Variants in SPIRE2 observed in about 807,000 individuals in gnomAD.
The protein encoded by SPIRE2 is protein spire homolog 2.
Under a neutral mutation model 80.7 loss-of-function variants are expected in SPIRE2, and 76 were observed. The ratio of observed to expected loss-of-function variants is 0.94; its 90% CI spans 0.78 to 1.14. The LOEUF is 1.14. Ranked by LOEUF, SPIRE2 falls within the 50% of genes most tolerant of loss-of-function variation. The pLI is 0.00. For synonymous variants in SPIRE2, 535 were observed against 432.6 expected (o/e 1.24, Z -2.94); for missense variants, 1,196 against 1,015.3 (o/e 1.18, Z -2.42).
rs1567671308 is a variant in SPIRE2 at position 89,843,676 on chromosome 16, T to TTTGG, written c.245-1644_245-1643insGGTT. On this transcript the variant is annotated intron_variant, in intron 1 of 14. Coordinates refer to ENST00000378247, the MANE Select transcript of SPIRE2 (RefSeq NM_032451.2). The stretch of plus-strand genomic sequence containing the variant: ...GCTGCCTTGCTGCCACGTTTTTTTT[T>TTTGG]TTTTGTTTGTTTTTGTTTTTTGTTT... Among the ~76,000 whole-genome samples the TTTGG allele has an allele frequency of 4.7e-4, 14 of 29,644 alleles. 4 individuals are homozygous for TTTGG. The highest frequency in any genetic ancestry group is 1.1e-3 in the African/African-American group (9 of 7,944). The allele number at this position is 29,644 out of a possible 152,430, so 19.4% of individuals were successfully genotyped here. A position where few individuals can be genotyped will look rare whatever the true frequency, so the allele number is the denominator to read the frequency against.
At position 89,855,583 on chromosome 16, in the gene SPIRE2, A is replaced by T. The variant is rs1292375996; in HGVS notation, c.892-17A>T. The T allele has an allele frequency of 6.2e-7, 1 of 1,610,264 alleles. No homozygotes were observed. The highest frequency in any genetic ancestry group is 1.7e-5 in the Admixed American group (1 of 59,860). ...GATGGTCCCTGCAGGGCCTCAGATC[A>T]GCCGTCCTCCCCGCAGGTGGATGGG... On this transcript the variant is annotated splice_polypyrimidine_tract_variant and intron_variant, in intron 5 of 14. Transcript: ENST00000378247.
intron 1 of SPIRE2, among the ~76,000 whole-genome samples, chr16:89,839,112 CG>C (rs1370907272): frequency 6.6e-6 from 1 of 150,660 alleles, no homozygotes; most frequent in Non-Finnish European, 1.5e-5. Flanking sequence ...GAGGCCAAGG[CG>C]GGTGGATCAC....
chr16:89,850,989 A>G (rs1274276817), intron 3 of SPIRE2, among the ~76,000 whole-genome samples: 1 of 151,934 alleles, frequency 6.6e-6, no homozygotes, highest in African/African-American at 2.4e-5. Flanking sequence ...GGTGCCCACC[A>G]CCATGCCTGG....
intron 2 of SPIRE2, among the ~76,000 whole-genome samples, chr16:89,848,124 G>A (rs577608780): frequency 6.6e-6 from 1 of 152,328 alleles, no homozygotes; most frequent in South Asian, 2.1e-4. Flanking sequence ...GGGAATTTGT[G>A]TGAACAGCGG....
chr16:89,838,227 G>T (rs1359086520), intron 1 of SPIRE2, among the ~76,000 whole-genome samples: 1 of 146,354 alleles, frequency 6.8e-6, no homozygotes, highest in Non-Finnish European at 1.5e-5. Context: ...ACATTGCCCA[G>T]GCTGGAGTGT....
chr16:89,837,450 C>T (rs1458334879), intron 1 of SPIRE2, among the ~76,000 whole-genome samples: 3 of 152,206 alleles, frequency 2.0e-5, no homozygotes, highest in Non-Finnish European at 4.4e-5. Flanking sequence ...GCGCATGTGA[C>T]AGGGGTGCTT....
chr16:89,860,875 G>A (rs1228004752), intron 10 of SPIRE2, 80 bp downstream of exon 10: 5 of 916,192 alleles, frequency 5.5e-6, no homozygotes, highest in Non-Finnish European at 7.9e-6. Context: ...GCCAGGTCTG[G>A]GAGATGGGTC....
chr16:89,869,751 G>A, intron 14 of SPIRE2, 69 bp downstream of exon 14: 2 of 1,235,340 alleles, frequency 1.6e-6, no homozygotes, highest in Non-Finnish European at 2.4e-6. Flanking sequence ...GGGAGCTGGG[G>A]TGGAGGGGGC....
At position 89,856,133 on chromosome 16, in the gene SPIRE2, C is replaced by A; in HGVS notation, c.999C>A (p.Arg333=). The part of the protein sequence containing the change: ...PLKQVSERRL[R]PLPPKQRSLH... ...CGCAGGTCTCTGAGAGGCGGCTGCG[C>A]CCGTTGCCACCAAAGCAAAGGTCCC... Residue 333 remains arginine, a synonymous_variant, in exon 7 of 15, where the codon CGC becomes CGA. Transcript: ENST00000378247. The A allele has an allele frequency of 6.2e-7, 1 of 1,611,656 alleles. No homozygotes were observed. The highest frequency in any genetic ancestry group is 1.3e-5 in the African/African-American group (1 of 75,032).
At chr16:89,845,698 G>A (rs1299346276) in intron 2 of SPIRE2, 25 of 660,248 alleles carry the variant, frequency 3.8e-5, no homozygotes, top group South Asian at 3.4e-4. Context: ...TCAGGGAGAC[G>A]ACTTCAGGTG....
intron 2 of SPIRE2, chr16:89,847,032 T>C (rs934667511): frequency 1.3e-5 from 2 of 151,374 alleles, no homozygotes; most frequent in Non-Finnish European, 2.9e-5. Context: ...CCGCAAGACC[T>C]ATTGATATAT....
In SPIRE2 at chr16:89,828,651, C is replaced by T; in HGVS notation, c.101C>T (p.Pro34Leu). The T allele has an allele frequency of 2.2e-6, 3 of 1,367,562 alleles. No homozygotes were observed. The highest frequency in any genetic ancestry group is 3.3e-5 in the East Asian group (1 of 30,308). 84.7% of individuals were successfully genotyped at this position (1,367,562 alleles called of 1,614,324 possible). A position where few individuals can be genotyped will look rare whatever the true frequency, so the allele number is the denominator to read the frequency against. Reference protein sequence around the residue: ...LEEVLKAYEQPLNEEQAWAVC... With the variant: ...LEEVLKAYEQLLNEEQAWAVC... ...GAGGTGCTGAAGGCCTACGAGCAGC[C>T]GCTCAACGAGGAGCAGGCGTGGGCC... The change falls in exon 1 of 15, where the codon CCG becomes CTG. Residue 34 changes from proline to leucine, a missense_variant. By Grantham distance (98) the Pro-to-Leu change is moderately conservative. Coordinates refer to ENST00000378247, the MANE Select transcript of SPIRE2 (RefSeq NM_032451.2). This position sits in a 1 kb window ranked among gnomAD's most constrained non-coding sequence, Gnocchi z 5.9.
rs1722045021 is a variant in SPIRE2 at position 89,849,740 on chromosome 16, AT to A, written c.289-562del. The A allele has an allele frequency of 2.5e-5, 6 of 240,622 alleles. No homozygotes were observed. In the South Asian group the frequency reaches 2.7e-4, roughly 11 times the overall value. 14.9% of individuals were successfully genotyped at this position (240,622 alleles called of 1,614,324 possible). On this transcript the variant is annotated intron_variant, in intron 2 of 14. Coordinates refer to ENST00000378247, the MANE Select transcript of SPIRE2 (RefSeq NM_032451.2). Reference sequence around the variant, plus strand: ...GAACCACTGGTGCCCTTCGTGGTAGATTATGAAAGTCAGGGTCCCTGTCAAG... The same window carrying A: ...GAACCACTGGTGCCCTTCGTGGTAGATATGAAAGTCAGGGTCCCTGTCAAG...
intron 3 of SPIRE2, among the ~76,000 whole-genome samples, chr16:89,853,679 C>T (rs569956668): frequency 3.3e-5 from 5 of 152,004 alleles, no homozygotes; most frequent in Non-Finnish European, 4.4e-5. Flanking sequence ...GTTGGGACTT[C>T]GTGACAGCAG....
chr16:89,855,366 G>C (rs1251454191), intron 5 of SPIRE2, among the ~76,000 whole-genome samples: 1 of 152,146 alleles, frequency 6.6e-6, no homozygotes, highest in East Asian at 1.9e-4. Flanking sequence ...GGTGCTAGAG[G>C]CTGGGGCAGC....
intron 1 of SPIRE2, among the ~76,000 whole-genome samples, chr16:89,837,469 G>A (rs984007351): frequency 2.7e-4 from 41 of 152,326 alleles, no homozygotes; most frequent in Admixed American, 8.5e-4. Context: ...TTCTTAGCCA[G>A]GAGAGAGGGC....
intron 1 of SPIRE2, among the ~76,000 whole-genome samples, chr16:89,844,806 C>T (rs932457668): frequency 6.6e-5 from 10 of 152,170 alleles, no homozygotes; most frequent in African/African-American, 2.4e-4. Flanking sequence ...TGGTTTTGAA[C>T]TCCTGGCTGC....
chr16:89,853,517 G>A (rs1410533027), intron 3 of SPIRE2, among the ~76,000 whole-genome samples: 5 of 152,130 alleles, frequency 3.3e-5, no homozygotes, highest in African/African-American at 7.2e-5. Flanking sequence ...TTTGCCCTGG[G>A]CTGGCATACA....
In SPIRE2 at chr16:89,856,123, G is replaced by C. The variant is rs1295791334; in HGVS notation, c.989G>C (p.Arg330Thr). ...SRPPLKQVSE[R>T]RLRPLPPKQR... ...GCTTCCCCACCGCAGGTCTCTGAGA[G>C]GCGGCTGCGCCCGTTGCCACCAAAG... is the stretch of plus-strand genomic sequence containing the variant. Residue 330 changes from arginine to threonine, a missense_variant, in exon 7 of 15, where the codon AGG (arginine) becomes ACG (threonine). Transcript: ENST00000378247. 6.2e-7 allele frequency: 1 copy of C among 1,611,810 alleles called. No homozygotes were observed. The highest frequency in any genetic ancestry group is 8.5e-7 in the Non-Finnish European group (1 of 1,179,712).
Sources: allele counts gnomAD v4.1 joint callset (sites outside exome capture counted in the v4.1 genomes callset), GRCh38; gene constraint gnomAD v4.1.1; non-coding constraint Gnocchi (gnomAD v3.1); transcripts MANE v1.5; gene names NCBI Gene and HGNC (gene_info 2026-07-23, HGNC 2026-07-21).